Variants in CDH9 observed in about 807,000 individuals in gnomAD.
CDH9 encodes the protein cadherin 9, also known as cadherin-9.
In CDH9, 28 loss-of-function variants were observed where a neutral mutation model predicts 70.9. The observed-to-expected ratio is 0.40, with a 90% CI of 0.29 to 0.54. CDH9 has a LOEUF of 0.54. Among genes scored for constraint, CDH9 ranks in the 20% least tolerant of loss-of-function variants. The probability of loss-of-function intolerance (pLI) is 0.59; values close to 1 mark genes in which losing one functional copy is unlikely to be tolerated. For missense variants in CDH9, 874 were observed against 984.4 expected, an observed-to-expected ratio of 0.89 and a Z score of 1.50; for synonymous variants, 409 against 343.1, an observed-to-expected ratio of 1.19 and a Z score of -2.12.
intron 3 of CDH9, 28 bp downstream of exon 3, chr5:26,915,602 T>C (rs11948987): frequency 0.013 from 16,169 of 1,281,290 alleles, 300 homozygotes; most frequent in African/African-American, 0.076. Flanking sequence ...AAATAAAAAG[T>C]AGTTTACATG....
At chr5:26,909,526 CA>C (rs1193792074) in intron 3 of CDH9, among the ~76,000 whole-genome samples, 5 of 148,634 alleles carry the variant, frequency 3.4e-5, no homozygotes, top group South Asian at 2.1e-4. Context: ...ATTTTGAGAC[CA>C]TTTTTTTTCT....
chr5:26,905,788 A>T (rs1175681278), intron 5 of CDH9, among the ~76,000 whole-genome samples, 171 bp downstream of exon 5: 1 of 145,302 alleles, frequency 6.9e-6, no homozygotes, highest in East Asian at 2.1e-4. Context: ...AATCACCATC[A>T]CTCTCTATTT....
chr5:26,946,358 TAA>T, intron 2 of CDH9, among the ~76,000 whole-genome samples: 1 of 152,272 alleles, frequency 6.6e-6, no homozygotes, highest in African/African-American at 2.4e-5. Context: ...CTGATTAATT[TAA>T]GTCTTATTTA....
At chr5:26,998,641 T>G (rs1742709772) in intron 1 of CDH9, among the ~76,000 whole-genome samples, 3 of 151,968 alleles carry the variant, frequency 2.0e-5, no homozygotes, top group South Asian at 2.1e-4. Context: ...AATGATGAGT[T>G]ACTGGGTGCA....
At chr5:26,992,834 G>A (rs1742599328) in intron 1 of CDH9, among the ~76,000 whole-genome samples, 2 of 152,040 alleles carry the variant, frequency 1.3e-5, no homozygotes, top group South Asian at 4.1e-4. Flanking sequence ...TGGTGGCTCA[G>A]GCCTGTAATC....
chr5:26,971,683 G>T (rs1162215868), intron 2 of CDH9, among the ~76,000 whole-genome samples: 2 of 152,104 alleles, frequency 1.3e-5, no homozygotes, highest in African/African-American at 2.4e-5. Context: ...GTGTATACAT[G>T]CCTGCAGCAT....
intron 1 of CDH9, among the ~76,000 whole-genome samples, chr5:27,006,534 C>T (rs190889681): frequency 1.3e-5 from 2 of 152,186 alleles, no homozygotes; most frequent in East Asian, 3.9e-4. Flanking sequence ...TAACAGGATG[C>T]TCTCTCTGGA....
intron 2 of CDH9, among the ~76,000 whole-genome samples, chr5:26,926,924 C>CCT (rs1561197716): frequency 3.4e-5 from 5 of 147,772 alleles, no homozygotes; most frequent in Admixed American, 6.7e-5. Context: ...ACAGCCCCCC[C>CCT]CCGCAAAAAA....
At position 26,984,700 on chromosome 5, in the gene CDH9, A is replaced by C. The variant is rs568794533; in HGVS notation, c.228+3406T>G. Among the ~76,000 whole-genome samples, 122 of 152,232 alleles carry C rather than the reference A, an allele frequency of 8.0e-4. 1 individual carries two copies. Among genetic ancestry groups the C allele is most frequent in the Middle Eastern group, 3.4e-3 (1 of 294 alleles). On this transcript the variant is annotated intron_variant, in intron 2 of 11. Transcript: ENST00000231021. Reference sequence around the variant, plus strand: ...TATTGCAATTCTACCTAAATAATTCAGTCACAAGTGTCTCTTCAAGTTATA... The same window carrying C: ...TATTGCAATTCTACCTAAATAATTCCGTCACAAGTGTCTCTTCAAGTTATA...
chr5:26,987,436 GA>G (rs1204041012), intron 2 of CDH9, among the ~76,000 whole-genome samples: 1 of 151,814 alleles, frequency 6.6e-6, no homozygotes, highest in Non-Finnish European at 1.5e-5. Context: ...ACTAAAGAAA[GA>G]AAATTGGAGA....
rs1742237308 is a variant in CDH9, at chr5:26,972,536, T to C, written c.228+15570A>G. 3.3e-5 allele frequency among the ~76,000 whole-genome samples: 5 copies of C among 152,114 alleles called. 1 individual carries two copies. Among genetic ancestry groups the C allele is most frequent in the Admixed American group, 3.3e-4 (5 of 15,268 alleles). ...ACAAAAGAAAACTCAGCCAAAAAAG[T>C]CAGCCCTCCCTATATAAGGATTTCT... On this transcript the variant is annotated intron_variant, in intron 2 of 11. Transcript: ENST00000231021.
intron 3 of CDH9, among the ~76,000 whole-genome samples, chr5:26,914,586 G>A (rs2112003961): frequency 6.6e-6 from 1 of 152,044 alleles, no homozygotes; most frequent in East Asian, 1.9e-4. Context: ...TCAATTAGAT[G>A]ACATTTCATT....
At chr5:26,970,033 T>C (rs1742192239) in intron 2 of CDH9, among the ~76,000 whole-genome samples, 1 of 150,914 alleles carries the variant, frequency 6.6e-6, no homozygotes, top group Non-Finnish European at 1.5e-5. Flanking sequence ...GTCTAGAAGG[T>C]TTATTTTTAT....
intron 2 of CDH9, among the ~76,000 whole-genome samples, chr5:26,950,435 G>C (rs889777606): frequency 6.6e-6 from 1 of 152,072 alleles, no homozygotes; most frequent in Non-Finnish European, 1.5e-5. Flanking sequence ...AATTTCTCAA[G>C]ATGAAAAAAT....
At chr5:26,987,611 T>C (rs1742509946) in intron 2 of CDH9, among the ~76,000 whole-genome samples, 1 of 152,072 alleles carries the variant, frequency 6.6e-6, no homozygotes, top group Admixed American at 6.6e-5. Flanking sequence ...GAAGCTTATC[T>C]TCTTAAAGAT....
intron 3 of CDH9, among the ~76,000 whole-genome samples, chr5:26,907,695 T>A (rs889719942): frequency 2.0e-5 from 3 of 152,150 alleles, no homozygotes; most frequent in African/African-American, 4.8e-5. Flanking sequence ...TTCCTGAATT[T>A]CTATAAAGAT....
At chr5:27,017,457 C>A (rs1425196801) in intron 1 of CDH9, among the ~76,000 whole-genome samples, 2 of 151,764 alleles carry the variant, frequency 1.3e-5, no homozygotes, top group Non-Finnish European at 1.5e-5. Context: ...GCAAGCTAAA[C>A]GCTCTGCAAA....
chr5:26,883,549 G>A (rs1467088051), intron 11 of CDH9, among the ~76,000 whole-genome samples: 1 of 152,004 alleles, frequency 6.6e-6, no homozygotes, highest in African/African-American at 2.4e-5. Context: ...AAACTATGGT[G>A]ATAGTGGCAG....
intron 2 of CDH9, among the ~76,000 whole-genome samples, chr5:26,958,067 A>G (rs1302828241): frequency 6.6e-6 from 1 of 152,176 alleles, no homozygotes; most frequent in African/African-American, 2.4e-5. Flanking sequence ...ACTTACTAAT[A>G]CATGATTCAG....
Sources: allele counts gnomAD v4.1 joint callset (sites outside exome capture counted in the v4.1 genomes callset), GRCh38; gene constraint gnomAD v4.1.1; transcripts MANE v1.5; gene names NCBI Gene and HGNC (gene_info 2026-07-23, HGNC 2026-07-21).